FKBP5: variants seen among roughly 807,000 people sequenced by gnomAD.
The protein encoded by FKBP5 is FKBP prolyl isomerase 5, also known as peptidyl-prolyl cis-trans isomerase FKBP5.
A neutral mutation model predicts 50.5 loss-of-function variants in FKBP5; 23 were observed. The observed-to-expected ratio is 0.46, with a 90% CI of 0.33 to 0.65. The LOEUF (loss-of-function observed/expected upper bound fraction) is 0.65, where lower values mean the gene tolerates loss of function less well. Among genes scored for constraint, FKBP5 ranks in the 30% least tolerant of loss-of-function variants. The probability of loss-of-function intolerance (pLI) is 0.02; values close to 1 mark genes in which losing one functional copy is unlikely to be tolerated. For synonymous variants in FKBP5, 176 were observed against 190.6 expected (o/e 0.92, Z 0.63); for missense variants, 411 against 553.1 (o/e 0.74, Z 2.58).
intron 8 of FKBP5, chr6:35,581,961 A>AGCAG: frequency 1.0e-6 from 1 of 985,468 alleles, no homozygotes; most frequent in South Asian, 4.7e-5. Context: ...AAAACCATAG[A>AGCAG]GCAGGTCTAA....
intron 2 of FKBP5, among the ~76,000 whole-genome samples, chr6:35,716,843 G>A (rs1258103299): frequency 6.6e-6 from 1 of 152,196 alleles, no homozygotes; most frequent in Non-Finnish European, 1.5e-5. Flanking sequence ...CAGTCCCAAA[G>A]CTGCCACATC....
chr6:35,616,798 A>C (rs1056857787), intron 5 of FKBP5, among the ~76,000 whole-genome samples: 1 of 152,186 alleles, frequency 6.6e-6, no homozygotes, highest in Admixed American at 6.5e-5. Context: ...TATCCATAGG[A>C]GTAAACCTCT....
At chr6:35,674,676 C>A (rs1442276601) in intron 1 of FKBP5, among the ~76,000 whole-genome samples, 1 of 152,186 alleles carries the variant, frequency 6.6e-6, no homozygotes, top group African/African-American at 2.4e-5. Flanking sequence ...TCATTTAATT[C>A]TCTCAACAAT....
At chr6:35,588,789 A>G (rs977881437) in intron 7 of FKBP5, among the ~76,000 whole-genome samples, 1 of 140,370 alleles carries the variant, frequency 7.1e-6, no homozygotes, top group African/African-American at 2.7e-5. Flanking sequence ...TTTTTTTGGT[A>G]GAGACGGGGT....
intron 2 of FKBP5, among the ~76,000 whole-genome samples, chr6:35,714,948 A>G (rs989817726): frequency 4.6e-5 from 7 of 152,188 alleles, no homozygotes; most frequent in African/African-American, 1.7e-4. Flanking sequence ...ATTTGGAAAG[A>G]AAAGGCTGGA....
At chr6:35,613,783 G>A (rs544095635) in intron 5 of FKBP5, among the ~76,000 whole-genome samples, 42 of 152,112 alleles carry the variant, frequency 2.8e-4, no homozygotes, top group Admixed American at 1.0e-3. Flanking sequence ...AAACCAAGAC[G>A]GTCTTTTGAG....
At chr6:35,690,882 T>C (rs999835318), upstream of FKBP5, among the ~76,000 whole-genome samples, 1 of 151,866 alleles carries the variant, frequency 6.6e-6, no homozygotes, top group Non-Finnish European at 1.5e-5. Context: ...GACGCATGCC[T>C]GTAATCCCAG....
intron 8 of FKBP5, 156 bp downstream of exon 8, chr6:35,586,878 A>C: frequency 6.8e-7 from 1 of 1,473,616 alleles, no homozygotes; most frequent in Non-Finnish European, 9.0e-7. Context: ...TTGTTTTCTC[A>C]CCATTTTTCA....
chr6:35,718,684 T>G (rs1766554493), intron 2 of FKBP5, among the ~76,000 whole-genome samples: 1 of 152,144 alleles, frequency 6.6e-6, no homozygotes, highest in East Asian at 1.9e-4. Flanking sequence ...CCTAGCAGAA[T>G]CTACAGCACA....
chr6:35,722,176 GT>G (rs143069949), intron 1 of FKBP5, among the ~76,000 whole-genome samples: 129 of 147,406 alleles, frequency 8.8e-4, no homozygotes, highest in Middle Eastern at 3.6e-3. Context: ...TATTTGTTCT[GT>G]TTTTTTTTTA....
Position 35,637,025 on chromosome 6 carries a change from C to G in FKBP5, c.239G>C (p.Ser80Thr). 6.3e-7 allele frequency: 1 copy of G among 1,596,860 alleles called. No homozygotes were observed. Among genetic ancestry groups the G allele is most frequent in the Non-Finnish European group, 8.5e-7 (1 of 1,176,246 alleles). ...AAATACCCTCTTACCTTTGCCAAGA[C>G]TAAAGACAAATGGTTCATTTCTATC... ...SHDRNEPFVF[S>T]LGKGQVIKAW... Residue 80 changes from serine to threonine, a missense_variant, in exon 3 of 11, where the codon AGT becomes ACT. Around this residue, in one of 3 missense-constraint regions of FKBP5, gnomAD observed 267 missense variants for 405.9 expected, o/e 0.66. Transcript: ENST00000357266.
chr6:35,709,216 G>T (rs192178086), intron 2 of FKBP5, among the ~76,000 whole-genome samples: 11 of 152,198 alleles, frequency 7.2e-5, no homozygotes, highest in Admixed American at 7.2e-4. Flanking sequence ...GTGCTTGCAC[G>T]GGAAAACTCC....
rs185316656 is a variant in FKBP5 at position 35,718,432 on chromosome 6, G to C, written c.-20+1896C>G. Among the ~76,000 whole-genome samples the C allele has an allele frequency of 2.8e-4, 43 of 152,346 alleles. 1 individual carries two copies. The East Asian group carries it at 8.1e-3, about 29-fold the overall frequency. ...AAAGCTTGCAGGAGGGAACACCGGG[G>C]AATCGGCTGTTGGTTTGGTTTCCTT... On this transcript the variant is annotated intron_variant, in intron 2 of 11. Transcript: ENST00000536438.
chr6:35,642,361 G>A (rs1426009679), intron 2 of FKBP5, among the ~76,000 whole-genome samples: 1 of 152,196 alleles, frequency 6.6e-6, no homozygotes, highest in Non-Finnish European at 1.5e-5. Context: ...TACTCAGAAG[G>A]CTGAGGTGGG....
At chr6:35,584,724 T>G in intron 8 of FKBP5, 1 of 985,478 alleles carries the variant, frequency 1.0e-6, no homozygotes, top group Non-Finnish European at 1.2e-6. Context: ...CTCAGGTCAG[T>G]GGTTTTGAAC....
At chr6:35,724,564 A>C (rs774271679) in intron 1 of FKBP5, among the ~76,000 whole-genome samples, 17 of 152,152 alleles carry the variant, frequency 1.1e-4, no homozygotes, top group Non-Finnish European at 2.4e-4. Context: ...TAATCTGAGC[A>C]ATCTTGAAGA....
intron 5 of FKBP5, among the ~76,000 whole-genome samples, chr6:35,604,508 C>T (rs1277283544): frequency 6.6e-6 from 1 of 152,112 alleles, no homozygotes; most frequent in Non-Finnish European, 1.5e-5. Context: ...AGACTTATAT[C>T]CCAGGACATT....
chr6:35,583,361 A>G, intron 8 of FKBP5: 1 of 985,466 alleles, frequency 1.0e-6, no homozygotes, highest in Non-Finnish European at 1.2e-6. Flanking sequence ...GTTCTGAATA[A>G]TCAGAATGGT....
At chr6:35,725,141 T>C (rs1352748333) in intron 1 of FKBP5, among the ~76,000 whole-genome samples, 1 of 152,146 alleles carries the variant, frequency 6.6e-6, no homozygotes, top group Non-Finnish European at 1.5e-5. Context: ...TTTGAGGAGA[T>C]TAAACTGGTC....
Sources: gnomAD v4.1 joint callset for allele counts (sites outside exome capture counted in the v4.1 genomes callset) on GRCh38, gnomAD v4.1.1 for gene constraint, gnomAD v4.1.1 regional missense constraint, MANE v1.5 for transcripts, NCBI Gene and HGNC (gene_info 2026-07-23, HGNC 2026-07-21) for gene names.